The following CFAP44 variants were observed in gnomAD, a reference collection of about 807,000 sequenced individuals.
The protein encoded by CFAP44 is cilia and flagella associated protein 44, also known as cilia- and flagella-associated protein 44.
CFAP44 carries 134 observed loss-of-function variants against 216.2 expected under a neutral mutation model. That is an observed-to-expected ratio of 0.62 (90% CI 0.54 to 0.72). CFAP44 has a LOEUF of 0.72. CFAP44 is among the 30% of genes least tolerant of loss of function. The probability of loss-of-function intolerance (pLI) is 0.00; values close to 1 mark genes in which losing one functional copy is unlikely to be tolerated. For missense variants in CFAP44, 2,035 were observed against 2,182.1 expected (o/e 0.93, Z 1.34); for synonymous variants, 700 against 727.6 (o/e 0.96, Z 0.61).
intron 3 of CFAP44, chr3:113,426,975 T>C: frequency 3.8e-6 from 2 of 529,350 alleles, no homozygotes. Context: ...GAAGAATGAG[T>C]ATCAGAGTAC....
At chr3:113,376,431 TAG>T (rs1933346042) in intron 17 of CFAP44, among the ~76,000 whole-genome samples, 1 of 152,210 alleles carries the variant, frequency 6.6e-6, no homozygotes, top group Non-Finnish European at 1.5e-5. Flanking sequence ...TGAGACTGTG[TAG>T]TTACCTTAGC....
rs1412660057 is a variant in CFAP44 at position 113,366,348 on chromosome 3, C to T, written c.2445-39G>A. On this transcript the variant is annotated intron_variant, in intron 18 of 34. Coordinates refer to ENST00000393845, the MANE Select transcript of CFAP44 (RefSeq NM_001164496.2). ...AATGTAAATTGTTCTTCCCATTAAT[C>T]TGAAAATAATGCTTAATTTCAACTT... 2.5e-6 allele frequency: 4 copies of T among 1,571,522 alleles called. No homozygotes were observed. In the East Asian group the frequency reaches 9.0e-5, roughly 36 times the overall value.
At chr3:113,362,895 A>G (rs1159531859) in intron 21 of CFAP44, 2 of 1,223,632 alleles carry the variant, frequency 1.6e-6, no homozygotes, top group Non-Finnish European at 2.0e-6. Flanking sequence ...TTCCCCATGT[A>G]TTCCTTTCAT....
chr3:113,294,882 G>A, intron 33 of CFAP44, 61 bp from the exon 34 acceptor site: 2 of 1,469,902 alleles, frequency 1.4e-6, no homozygotes, highest in South Asian at 2.8e-5. Flanking sequence ...AAAGAAAAAT[G>A]AGTGTCCAGA....
intron 15 of CFAP44, among the ~76,000 whole-genome samples, chr3:113,393,408 G>A (rs1933898533): frequency 6.6e-6 from 1 of 152,112 alleles, no homozygotes. Flanking sequence ...GGTCTTGCGG[G>A]TGGATGCCTC....
rs144441265 is a variant in CFAP44 at position 113,415,930 on chromosome 3, T to A, written c.673+595A>T. Among the ~76,000 whole-genome samples the A allele has an allele frequency of 2.6e-5, 4 of 152,286 alleles. No homozygotes were observed. The East Asian group carries it at 5.8e-4, about 22-fold the overall frequency. On this transcript the variant is annotated intron_variant, in intron 6 of 34. Transcript: ENST00000393845. ...CCTGAATATCCTTGTTAATTTTCTG[T>A]CTCATTGATTTAATATTGACAGTGG...
At position 113,427,352 on chromosome 3, in the gene CFAP44, G is replaced by T; in HGVS notation, c.101-13C>A. 6.4e-7 allele frequency: 1 copy of T among 1,569,636 alleles called. No individual in the cohort carries two copies. Among genetic ancestry groups the T allele is most frequent in the Non-Finnish European group, 8.6e-7 (1 of 1,161,462 alleles). The stretch of plus-strand genomic sequence containing the variant: ...TCTTGAACAGGAGCTATTAAAATTT[G>T]TTTTAATAACTTCTAAATTTTGATT... On this transcript the variant is annotated splice_polypyrimidine_tract_variant and intron_variant, in intron 2 of 34. Coordinates refer to ENST00000393845, the MANE Select transcript of CFAP44 (RefSeq NM_001164496.2).
intron 15 of CFAP44, among the ~76,000 whole-genome samples, chr3:113,383,971 A>G (rs1187697788): frequency 1.3e-5 from 2 of 151,830 alleles, no homozygotes; most frequent in East Asian, 3.9e-4. Context: ...TCATTGTTCA[A>G]CTTCCACTTA....
Position 113,438,209 on chromosome 3 carries a change from T to C in CFAP44, c.-6+3244A>G, listed in dbSNP as rs183673206. ...ACTCCTAGATATTCTCTTTGACACATGTAGGGTTCAATAAATAAAATCATG... is the reference window on the plus strand; with the variant it reads ...ACTCCTAGATATTCTCTTTGACACACGTAGGGTTCAATAAATAAAATCATG... On this transcript the variant is annotated intron_variant, in intron 1 of 34. Coordinates refer to ENST00000393845, the MANE Select transcript of CFAP44 (RefSeq NM_001164496.2). Among the ~76,000 whole-genome samples, 146 of 152,334 alleles carry C rather than the reference T, an allele frequency of 9.6e-4. 1 individual carries two copies. Among genetic ancestry groups the C allele is most frequent in the Admixed American group, 2.4e-3 (37 of 15,302 alleles).
rs60866565 is a variant in CFAP44, at chr3:113,302,457, T to TAAAAAAAAAAAAAAA, written c.5077+1444_5077+1458dup. Among the ~76,000 whole-genome samples the TAAAAAAAAAAAAAAA allele has an allele frequency of 2.5e-3, 190 of 75,772 alleles. 9 individuals carry two copies. The highest frequency in any genetic ancestry group is 3.6e-3 in the Non-Finnish European group (128 of 35,376). 49.7% of individuals were successfully genotyped at this position (75,772 alleles called of 152,430 possible). On this transcript the variant is annotated intron_variant, in intron 32 of 34. Transcript: ENST00000393845. ...GTATCCAAAGATACACTAGACAAAG[T>TAAAAAAAAAAAAAAA]AAAAAAAAAAAAAAAAAAAAAAAGA...
intron 14 of CFAP44, 32 bp downstream of exon 14, chr3:113,396,484 TTC>T: frequency 3.1e-6 from 5 of 1,595,298 alleles, no homozygotes; most frequent in Non-Finnish European, 3.4e-6. Context: ...ACTATAAAAT[TTC>T]AACAAGAAAA....
chr3:113,416,340 T>C (rs983330194), intron 6 of CFAP44, among the ~76,000 whole-genome samples, 185 bp downstream of exon 6: 6 of 152,196 alleles, frequency 3.9e-5, no homozygotes, highest in African/African-American at 1.4e-4. Context: ...TGTCTTTTAA[T>C]TGGGGCATTT....
intron 2 of CFAP44, among the ~76,000 whole-genome samples, chr3:113,428,300 G>A (rs1935015839): frequency 6.6e-6 from 1 of 152,238 alleles, no homozygotes; most frequent in African/African-American, 2.4e-5. Context: ...AGAACTGGTA[G>A]ATAAGGTGAT....
chr3:113,418,379 G>A (rs375388777), intron 5 of CFAP44, among the ~76,000 whole-genome samples: 3 of 152,242 alleles, frequency 2.0e-5, no homozygotes, highest in African/African-American at 7.2e-5. Context: ...GAGCCACCGC[G>A]CCAAGCCAGG....
At chr3:113,323,449 A>G (rs1403896668) in intron 28 of CFAP44, among the ~76,000 whole-genome samples, 4 of 152,164 alleles carry the variant, frequency 2.6e-5, no homozygotes, top group Non-Finnish European at 4.4e-5. Context: ...GGAACAACAG[A>G]CACTGCAGAC....
Position 113,294,697 on chromosome 3 carries a change from T to C in CFAP44, c.5363A>G (p.Gln1788Arg), listed in dbSNP as rs1278870351. Residue 1788 changes from glutamine to arginine, a missense_variant, in exon 34 of 35, where the codon CAG becomes CGG. Physicochemically the swap from Gln to Arg is conservative, Grantham distance 43. This residue lies in a region of CFAP44 where 1,883 missense variants were observed against 2,023.7 expected (regional missense o/e 0.93). Coordinates refer to ENST00000393845, the MANE Select transcript of CFAP44 (RefSeq NM_001164496.2). ...AGGTAAAGAACATACCTGCTGATTC[T>C]GTAGTGTATTCAACCGAGAATCAAG... ...KKLDSRLNTL[Q>R]NQQGNAFQGP... is the part of the protein sequence containing the mutation. The C allele has an allele frequency of 8.5e-6, 13 of 1,531,384 alleles. No homozygotes were observed. Among genetic ancestry groups the C allele is most frequent in the Non-Finnish European group, 1.0e-5 (12 of 1,145,234 alleles). The allele number at this position is 1,531,384 out of a possible 1,614,324, so 94.9% of individuals were successfully genotyped here. A position where few individuals can be genotyped will look rare whatever the true frequency, so the allele number is the denominator to read the frequency against.
intron 28 of CFAP44, among the ~76,000 whole-genome samples, chr3:113,310,469 G>A (rs987629131): frequency 6.6e-6 from 1 of 152,206 alleles, no homozygotes; most frequent in Non-Finnish European, 1.5e-5. Context: ...CAACAGTAAG[G>A]AGACTCCCAT....
At chr3:113,378,692 G>A (rs1264589226) in intron 17 of CFAP44, among the ~76,000 whole-genome samples, 4 of 152,142 alleles carry the variant, frequency 2.6e-5, no homozygotes, top group Admixed American at 1.3e-4. Context: ...AGTAAAAAAT[G>A]TATAATTGGA....
chr3:113,310,345 C>A (rs1950026201), intron 28 of CFAP44, among the ~76,000 whole-genome samples: 1 of 152,200 alleles, frequency 6.6e-6, no homozygotes, highest in African/African-American at 2.4e-5. Context: ...ATGTTGATCA[C>A]AGAAACTACA....
Sources: allele counts gnomAD v4.1 joint callset (sites outside exome capture counted in the v4.1 genomes callset), GRCh38; gene constraint gnomAD v4.1.1; regional missense constraint gnomAD v4.1.1; transcripts MANE v1.5; gene names NCBI Gene and HGNC (gene_info 2026-07-23, HGNC 2026-07-21).